Variants in FSIP2 observed in about 807,000 individuals in gnomAD.
FSIP2 encodes fibrous sheath interacting protein 2.
In FSIP2, 367 loss-of-function variants were observed where a neutral mutation model predicts 510.5. The ratio of observed to expected loss-of-function variants is 0.72; its 90% CI spans 0.66 to 0.78. The LOEUF (loss-of-function observed/expected upper bound fraction) is 0.78. Among genes scored for constraint, FSIP2 ranks in the 30% least tolerant of loss-of-function variants. The pLI, the probability that FSIP2 is intolerant of heterozygous loss-of-function variation, is 0.00. For synonymous variants in FSIP2, 2,601 were observed against 2,732.2 expected (o/e 0.95, Z 1.50); for missense variants, 7,594 against 7,901.7 (o/e 0.96, Z 1.48).
At chr2:185,830,082 C>G (rs1402084391) in intron 21 of FSIP2, among the ~76,000 whole-genome samples, 2 of 151,668 alleles carry the variant, frequency 1.3e-5, no homozygotes, top group East Asian at 3.9e-4. Context: ...CCATGAGAGG[C>G]AGGGTAGGAT....
At chr2:185,767,226 A>C (rs1335450164) in intron 13 of FSIP2, among the ~76,000 whole-genome samples, 3 of 150,098 alleles carry the variant, frequency 2.0e-5, no homozygotes, top group Non-Finnish European at 4.4e-5. Flanking sequence ...CTAGATGACG[A>C]GTTAGTGGGT....
chr2:185,806,971 A>G lies in FSIP2; in HGVS notation c.17665A>G (p.Lys5889Glu). ...PSSIKIKSAD[K>E]MPPMHKMMRK... ...CAGCATTAAGATAAAATCTGCAGATAAAATGCCACCTATGCATAAAATGAT... is the reference window on the plus strand; with the variant it reads ...CAGCATTAAGATAAAATCTGCAGATGAAATGCCACCTATGCATAAAATGAT... Residue 5889 changes from lysine to glutamate, a missense_variant, in exon 17 of 23, where the codon AAA (lysine) becomes GAA (glutamate). Physicochemically the swap from Lys to Glu is moderately conservative, Grantham distance 56. Coordinates refer to ENST00000424728, the MANE Select transcript of FSIP2 (RefSeq NM_173651.4). 1 of 1,611,094 alleles carries G rather than the reference A, an allele frequency of 6.2e-7. No homozygotes were observed. Among genetic ancestry groups the G allele is most frequent in the Admixed American group, 1.7e-5 (1 of 59,600 alleles).
intron 9 of FSIP2, 45 bp from the exon 10 acceptor site, chr2:185,760,943 T>TA (rs10547921): frequency 0.076 from 46,481 of 611,288 alleles, 1 homozygote; most frequent in East Asian, 0.097. Context: ...CTAAAGCTGT[T>TA]AAAAAAAAAA....
rs1227022122 is a variant in FSIP2, at chr2:185,747,350, T to C, written c.797T>C (p.Met266Thr). 3.3e-5 allele frequency: 51 copies of C among 1,532,408 alleles called. No homozygotes were observed. The highest frequency in any genetic ancestry group is 4.2e-5 in the Non-Finnish European group (48 of 1,143,744). 94.9% of individuals were successfully genotyped at this position (1,532,408 alleles called of 1,614,324 possible). ...AAAGAGATGTTACTTCTGACAAGGA[T>C]GGCAGAAGATGTTAAAAGAGAAGAG... is the stretch of plus-strand genomic sequence containing the variant. ...KTKEMLLLTRMAEDVKREERI... is the reference protein window; with the variant it reads ...KTKEMLLLTRTAEDVKREERI... Residue 266 changes from methionine to threonine, a missense_variant, in exon 7 of 23, where the codon ATG (methionine) becomes ACG (threonine). Transcript: ENST00000424728.
chr2:185,785,457 T>C (rs1399266734), intron 14 of FSIP2, among the ~76,000 whole-genome samples: 2 of 151,972 alleles, frequency 1.3e-5, no homozygotes, highest in Non-Finnish European at 2.9e-5. Flanking sequence ...TCATGTAGAG[T>C]GCAGGCCTAG....
intron 22 of FSIP2, among the ~76,000 whole-genome samples, chr2:185,832,143 G>GA (rs920411213): frequency 8.6e-5 from 13 of 151,764 alleles, no homozygotes; most frequent in Non-Finnish European, 1.8e-4. Flanking sequence ...TTTATTTAAA[G>GA]AAAAAAGTGA....
Position 185,804,099 on chromosome 2 carries a change from A to G in FSIP2, c.14793A>G (p.Ala4931=). 1 of 1,527,834 alleles carries G rather than the reference A, an allele frequency of 6.5e-7. No individual in the cohort carries two copies. The allele number at this position is 1,527,834 out of a possible 1,614,324, so 94.6% of individuals were successfully genotyped here. Residue 4931 remains alanine (A), a synonymous_variant, in exon 17 of 23, where the codon GCA becomes GCG. Coordinates refer to ENST00000424728, the MANE Select transcript of FSIP2 (RefSeq NM_173651.4). ...AAVDQTYKLK[A]IDPKQRELSF... The stretch of plus-strand genomic sequence containing the variant: ...TTGATCAAACTTATAAATTGAAAGC[A>G]ATAGATCCTAAACAAAGAGAATTAT...
chr2:185,825,467 A>G lies in FSIP2; in HGVS notation c.20473+987A>G, dbSNP rs77030204. 4.7e-4 allele frequency among the ~76,000 whole-genome samples: 72 copies of G among 151,812 alleles called. 2 individuals are homozygous for G. The East Asian group carries it at 0.012, about 26-fold the overall frequency. ...GGAGGTGAGCACTGAAAAATTACCT[A>G]TTGGGTATAATATTCACTATTTGGG... On this transcript the variant is annotated intron_variant, in intron 20 of 22. Coordinates refer to ENST00000424728, the MANE Select transcript of FSIP2 (RefSeq NM_173651.4).
chr2:185,779,619 TC>T (rs1692799596), intron 13 of FSIP2, among the ~76,000 whole-genome samples: 2 of 152,138 alleles, frequency 1.3e-5, no homozygotes, highest in African/African-American at 4.8e-5. Flanking sequence ...CTTATTATTG[TC>T]CAATAGTTTA....
chr2:185,826,377 A>G (rs1694012773), intron 20 of FSIP2, among the ~76,000 whole-genome samples: 1 of 151,280 alleles, frequency 6.6e-6, no homozygotes, highest in African/African-American at 2.4e-5. Context: ...AATCACACTA[A>G]CCTCCTTGCT....
In FSIP2 at chr2:185,805,131, A is replaced by G; in HGVS notation, c.15825A>G (p.Thr5275=). 1 of 1,609,820 alleles carries G rather than the reference A, an allele frequency of 6.2e-7. No individual in the cohort carries two copies. The highest frequency in any genetic ancestry group is 8.5e-7 in the Non-Finnish European group (1 of 1,177,728). The change falls in exon 17 of 23, where the codon ACA becomes ACG. Residue 5275 remains threonine, a synonymous_variant. Transcript: ENST00000424728. ...EKTQPSLYSA[T]FLEDIIIDLV... ...CACAGCCTTCTCTCTATTCAGCTAC[A>G]TTTTTGGAAGACATAATCATTGACC...
In FSIP2 at chr2:185,793,527, T is replaced by A; in HGVS notation, c.6391T>A (p.Ser2131Thr). 1 of 1,534,322 alleles carries A rather than the reference T, an allele frequency of 6.5e-7. No individual in the cohort carries two copies. The highest frequency in any genetic ancestry group is 8.7e-7 in the Non-Finnish European group (1 of 1,145,672). ...AGCTGATAAACATTCAGAAGAAAATTCTGAAATGTTCATGGAGGGTGCAAA... is the reference window on the plus strand; with the variant it reads ...AGCTGATAAACATTCAGAAGAAAATACTGAAATGTTCATGGAGGGTGCAAA... ...SIADKHSEEN[S>T]EMFMEGANKI... is the part of the protein sequence containing the mutation. The change falls in exon 16 of 23, where the codon TCT becomes ACT. Residue 2131 changes from serine (S) to threonine (T), a missense_variant. Coordinates refer to ENST00000424728, the MANE Select transcript of FSIP2 (RefSeq NM_173651.4).
chr2:185,796,000 A>G lies in FSIP2; in HGVS notation c.8864A>G (p.Lys2955Arg). 6.5e-7 allele frequency: 1 copy of G among 1,534,278 alleles called. No homozygotes were observed. The highest frequency in any genetic ancestry group is 8.7e-7 in the Non-Finnish European group (1 of 1,145,912). Residue 2955 changes from lysine to arginine, a missense_variant, in exon 16 of 23, where the codon AAA (lysine) becomes AGA (arginine). Physicochemically the swap from Lys to Arg is conservative, Grantham distance 26. Coordinates refer to ENST00000424728, the MANE Select transcript of FSIP2 (RefSeq NM_173651.4). ...AACAGTAAAGAACACATTACTGCTA[A>G]AAGTAAATATGGTTTTCCAAACAAG... is the stretch of plus-strand genomic sequence containing the variant. The part of the protein sequence containing the change: ...LSNSKEHITA[K>R]SKYGFPNKHS...
Position 185,795,921 on chromosome 2 carries a change from C to G in FSIP2, c.8785C>G (p.Gln2929Glu), listed in dbSNP as rs1693261097. 3 of 1,534,148 alleles carry G rather than the reference C, an allele frequency of 2.0e-6. No homozygotes were observed. The East Asian group carries it at 7.4e-5, about 38-fold the overall frequency. The change falls in exon 16 of 23, where the codon CAG becomes GAG. Residue 2929 changes from glutamine (Q) to glutamate (E), a missense_variant. Transcript: ENST00000424728. Reference protein sequence around the residue: ...EIVEMLLEKLQLCFLSQIPTP... With the variant: ...EIVEMLLEKLELCFLSQIPTP... ...TGTTGAAATGCTACTTGAAAAACTA[C>G]AGCTATGCTTTCTGTCCCAAATTCC...
intron 17 of FSIP2, among the ~76,000 whole-genome samples, chr2:185,809,751 T>C (rs1188053563): frequency 6.6e-6 from 1 of 152,024 alleles, no homozygotes; most frequent in Non-Finnish European, 1.5e-5. Flanking sequence ...ACACTTGTTT[T>C]TTTTAAAACC....
Position 185,795,571 on chromosome 2 carries a change from C to G in FSIP2, c.8435C>G (p.Pro2812Arg). 1 of 1,535,072 alleles carries G rather than the reference C, an allele frequency of 6.5e-7. No individual in the cohort carries two copies. Among genetic ancestry groups the G allele is most frequent in the South Asian group, 1.2e-5 (1 of 84,024 alleles). Residue 2812 changes from proline (P) to arginine (R), a missense_variant, in exon 16 of 23, where the codon CCT becomes CGT. Pro to Arg is a moderately radical substitution (Grantham distance 103). Transcript: ENST00000424728. ...SQGNIGTGSL[P>R]KQQACFYLEN... The stretch of plus-strand genomic sequence containing the variant: ...GGGAATATAGGCACAGGATCCCTTC[C>G]TAAACAACAAGCATGTTTTTACTTG...
rs758234719 is a variant in FSIP2, at chr2:185,802,865, A to G, written c.13559A>G (p.His4520Arg). Residue 4520 changes from histidine (H) to arginine (R), a missense_variant, in exon 17 of 23, where the codon CAT (histidine) becomes CGT (arginine). Transcript: ENST00000424728. Reference protein sequence around the residue: ...VSDIRMKVSQHEIRFSKEEEE... With the variant: ...VSDIRMKVSQREIRFSKEEEE... ...GATATTAGGATGAAAGTTTCCCAACATGAAATTCGATTTTCAAAAGAGGAA... is the reference window on the plus strand; with the variant it reads ...GATATTAGGATGAAAGTTTCCCAACGTGAAATTCGATTTTCAAAAGAGGAA... 6.2e-5 allele frequency: 93 copies of G among 1,500,648 alleles called. No individual in the cohort carries two copies. The highest frequency in any genetic ancestry group is 7.3e-5 in the Non-Finnish European group (83 of 1,134,058). 93.0% of individuals were successfully genotyped at this position (1,500,648 alleles called of 1,614,324 possible).
At chr2:185,770,069 C>T (rs186372481) in intron 13 of FSIP2, among the ~76,000 whole-genome samples, 3 of 152,198 alleles carry the variant, frequency 2.0e-5, no homozygotes, top group East Asian at 1.9e-4. Flanking sequence ...TCTTTTGGTT[C>T]CATACAAATT....
In FSIP2 at chr2:185,795,354, A is replaced by C. The variant is rs1337573069; in HGVS notation, c.8218A>C (p.Lys2740Gln). Residue 2740 changes from lysine to glutamine, a missense_variant, in exon 16 of 23, where the codon AAG (lysine) becomes CAG (glutamine). Lys to Gln is a moderately conservative substitution (Grantham distance 53). Coordinates refer to ENST00000424728, the MANE Select transcript of FSIP2 (RefSeq NM_173651.4). ...CACTTCAGAACTAAAAATATATGCC[A>C]AGGATATAATAATTAACATCCTAGA... ...LPTSELKIYA[K>Q]DIIINILETI... 5.2e-6 allele frequency: 8 copies of C among 1,534,596 alleles called. No homozygotes were observed. Among genetic ancestry groups the C allele is most frequent in the Non-Finnish European group, 6.1e-6 (7 of 1,145,906 alleles).
Sources: allele counts gnomAD v4.1 joint callset (sites outside exome capture counted in the v4.1 genomes callset), GRCh38; gene constraint gnomAD v4.1.1; transcripts MANE v1.5; gene names NCBI Gene and HGNC (gene_info 2026-07-23, HGNC 2026-07-21).